Variants in MSH3 observed in about 807,000 individuals in gnomAD.
The protein encoded by MSH3 is mutS homolog 3.
A neutral mutation model predicts 123.3 loss-of-function variants in MSH3; 106 were observed. The observed-to-expected ratio is 0.86, with a 90% confidence interval of 0.73 to 1.01. MSH3 has a LOEUF of 1.01. MSH3 is among the 50% of genes least tolerant of loss of function. The pLI, the probability that MSH3 is intolerant of heterozygous loss-of-function variation, is 0.00. For missense variants in MSH3, 1,459 were observed against 1,347.6 expected, an observed-to-expected ratio of 1.08 and a Z score of -1.29; for synonymous variants, 515 against 481.4, an observed-to-expected ratio of 1.07 and a Z score of -0.91.
At chr5:80,701,959 G>A (rs1054819920) in intron 8 of MSH3, among the ~76,000 whole-genome samples, 12 of 151,872 alleles carry the variant, frequency 7.9e-5, no homozygotes, top group Middle Eastern at 3.4e-3. Context: ...TGGTTTTTCT[G>A]TACAGTTTTT....
At chr5:80,810,267 GTA>G (rs1744986926) in intron 19 of MSH3, among the ~76,000 whole-genome samples, 1 of 149,680 alleles carries the variant, frequency 6.7e-6, no homozygotes, top group African/African-American at 2.5e-5. Context: ...GCTTATCTTA[GTA>G]TTCTGCATTG....
chr5:80,688,249 T>G (rs932091328), intron 8 of MSH3, among the ~76,000 whole-genome samples: 1 of 152,224 alleles, frequency 6.6e-6, no homozygotes, highest in Non-Finnish European at 1.5e-5. Context: ...CAAAGATAGA[T>G]GTGTATGCTG....
intron 12 of MSH3, chr5:80,746,244 T>G (rs1172759288): frequency 3.9e-6 from 1 of 253,280 alleles, no homozygotes. Context: ...CTACTGCATT[T>G]CACTGCTGTT....
intron 12 of MSH3, among the ~76,000 whole-genome samples, chr5:80,748,465 TA>T (rs1743761611): frequency 6.6e-6 from 1 of 152,198 alleles, no homozygotes; most frequent in Admixed American, 6.5e-5. Context: ...TTAGCTTTTA[TA>T]AATAGATTAT....
chr5:80,672,725 CTTAT>C lies in MSH3; in HGVS notation c.910-13_910-10del, dbSNP rs1749751307. The C allele has an allele frequency of 6.3e-7, 1 of 1,591,550 alleles. No individual in the cohort carries two copies. Among genetic ancestry groups the C allele is most frequent in the Non-Finnish European group, 8.6e-7 (1 of 1,159,694 alleles). ...TTTTTATCCTTTGATAGCAATATTTCTTATTTTTGTTGAAGGTGGGAGTTGTGAA... is the reference window on the plus strand; with the variant it reads ...TTTTTATCCTTTGATAGCAATATTTCTTTTGTTGAAGGTGGGAGTTGTGAA... On this transcript the variant is annotated splice_polypyrimidine_tract_variant and intron_variant, in intron 5 of 23. Transcript: ENST00000265081.
At chr5:80,690,363 AG>A (rs902536883) in intron 8 of MSH3, among the ~76,000 whole-genome samples, 1 of 152,150 alleles carries the variant, frequency 6.6e-6, no homozygotes, top group African/African-American at 2.4e-5. Flanking sequence ...ACTGGAGTGC[AG>A]TGGCACAATC....
chr5:80,655,069 GGAGGAAGGGGCGGGCT>G lies in MSH3; in HGVS notation c.237+108_237+123del, dbSNP rs1330569620. 23 of 647,660 alleles carry G rather than the reference GGAGGAAGGGGCGGGCT, an allele frequency of 3.6e-5. No individual in the cohort carries two copies. In the South Asian group the frequency reaches 5.5e-4, roughly 15 times the overall value. The allele number at this position is 647,660 out of a possible 1,614,324, so 40.1% of individuals were successfully genotyped here. ...CCCTCCGCCCGATGATAGGGCTGGA[GGAGGAAGGGGCGGGCT>G]GAAGAAGGGGAAGGTGGGAAGAGCC... On this transcript the variant is annotated intron_variant, in intron 1 of 23. Transcript: ENST00000265081.
intron 20 of MSH3, among the ~76,000 whole-genome samples, chr5:80,833,197 A>G (rs1745449565): frequency 6.7e-6 from 1 of 150,212 alleles, no homozygotes; most frequent in South Asian, 2.1e-4. Flanking sequence ...TATCAGAGTG[A>G]TTTTTTTTTT....
chr5:80,712,990 A>T (rs1203712309), intron 8 of MSH3, among the ~76,000 whole-genome samples: 1 of 152,190 alleles, frequency 6.6e-6, no homozygotes, highest in Non-Finnish European at 1.5e-5. Flanking sequence ...GAGAGAATGA[A>T]TTACTCGGCT....
At chr5:80,749,826 C>T (rs375790807) in intron 12 of MSH3, among the ~76,000 whole-genome samples, 1 of 151,978 alleles carries the variant, frequency 6.6e-6, no homozygotes, top group Non-Finnish European at 1.5e-5. Flanking sequence ...CTTGTCTAAC[C>T]AAAACTTTGC....
intron 8 of MSH3, among the ~76,000 whole-genome samples, chr5:80,703,809 T>G (rs955978355): frequency 6.7e-6 from 1 of 148,806 alleles, no homozygotes; most frequent in African/African-American, 2.4e-5. Context: ...AAAGAGTTTT[T>G]TTTTTAATTG....
In MSH3 at chr5:80,761,405, A is replaced by T. The variant is rs1744029480; in HGVS notation, c.1764-141A>T. 6.8e-6 allele frequency: 7 copies of T among 1,030,394 alleles called. No individual in the cohort carries two copies. In the East Asian group the frequency reaches 1.7e-4, roughly 26 times the overall value. The allele number at this position is 1,030,394 out of a possible 1,614,324, so 63.8% of individuals were successfully genotyped here. A position where few individuals can be genotyped will look rare whatever the true frequency, so the allele number is the denominator to read the frequency against. ...GGAGTTTTGTCAGGGAGTCCTTCCC[A>T]CATGACTATCTCAGTATGAAGGAGG... On this transcript the variant is annotated intron_variant, in intron 12 of 23. Transcript: ENST00000265081.
Position 80,654,878 on chromosome 5 carries a change from G to T in MSH3, c.151G>T (p.Ala51Ser). The T allele has an allele frequency of 6.6e-7, 1 of 1,519,968 alleles. No individual in the cohort carries two copies. The highest frequency in any genetic ancestry group is 8.9e-7 in the Non-Finnish European group (1 of 1,126,328). 94.2% of individuals were successfully genotyped at this position (1,519,968 alleles called of 1,614,324 possible). The change falls in exon 1 of 24, where the codon GCT becomes TCT. Residue 51 changes from alanine (A) to serine (S), a missense_variant. Ala to Ser is a moderately conservative substitution (Grantham distance 99). Coordinates refer to ENST00000265081, the MANE Select transcript of MSH3 (RefSeq NM_002439.5). ...TGCAGCCGACCAGGTGGACCCTGGC[G>T]CTGCAGCGGCTGCAGCGGCCGCAGC... is the stretch of plus-strand genomic sequence containing the variant. ...TGAADQVDPGAAAAAAAAAAA... is the reference protein window; with the variant it reads ...TGAADQVDPGSAAAAAAAAAA...
intron 12 of MSH3, among the ~76,000 whole-genome samples, chr5:80,751,171 C>T (rs148021866): frequency 0.013 from 1,981 of 152,224 alleles, 17 homozygotes; most frequent in Middle Eastern, 0.037. Context: ...TAGAGCATGT[C>T]TCAATAGGAT....
chr5:80,778,707 T>G lies in MSH3; in HGVS notation c.2319-13T>G, dbSNP rs897298986. 6.8e-7 allele frequency: 1 copy of G among 1,465,276 alleles called. No individual in the cohort carries two copies. The highest frequency in any genetic ancestry group is 9.6e-7 in the Non-Finnish European group (1 of 1,044,162). The allele number at this position is 1,465,276 out of a possible 1,614,324, so 90.8% of individuals were successfully genotyped here. On this transcript the variant is annotated splice_polypyrimidine_tract_variant and intron_variant, in intron 16 of 23. Coordinates refer to ENST00000265081, the MANE Select transcript of MSH3 (RefSeq NM_002439.5). Reference sequence around the variant, plus strand: ...ACCTTGATTTCCTATTTGTGTTCTTTCCCCTCTTCTAGCACAAAAGCTGTG... The same window carrying G: ...ACCTTGATTTCCTATTTGTGTTCTTGCCCCTCTTCTAGCACAAAAGCTGTG...
intron 18 of MSH3, 59 bp from the exon 19 acceptor site, chr5:80,792,674 G>A (rs1196242991): frequency 1.6e-5 from 14 of 865,650 alleles, no homozygotes; most frequent in Non-Finnish European, 2.5e-5. Flanking sequence ...CTATCTTAGA[G>A]TTTTTTTTTT....
chr5:80,808,873 A>ATATATATATATATATG (rs754318556), intron 19 of MSH3, among the ~76,000 whole-genome samples: 2,587 of 136,980 alleles, frequency 0.019, 73 homozygotes, highest in African/African-American at 0.025. Flanking sequence ...ATATATATAT[A>ATATATATATATATATG]TATATATATA....
rs184758686 is a variant in MSH3 at position 80,685,554 on chromosome 5, C to T, written c.1340+6461C>T. Among the ~76,000 whole-genome samples, 7 of 151,934 alleles carry T rather than the reference C, an allele frequency of 4.6e-5. No homozygotes were observed. In the South Asian group the frequency reaches 8.3e-4, roughly 18 times the overall value. ...CTAATTTTGTTTATTTGGGGTTTCT[C>T]TCTTTTTTCACAGTCTGGGAAAGTC... On this transcript the variant is annotated intron_variant, in intron 8 of 23. Transcript: ENST00000265081.
Position 80,672,484 on chromosome 5 carries a change from A to T in MSH3, c.909+124A>T, listed in dbSNP as rs1014575187. On this transcript the variant is annotated intron_variant, in intron 5 of 23. Transcript: ENST00000265081. ...TAGAATTTTGCATTTTACAGAACTG[A>T]AAGTGTTTCATAATTATTAGTATTA... is the stretch of plus-strand genomic sequence containing the variant. The T allele has an allele frequency of 3.3e-5, 25 of 757,946 alleles. No homozygotes were observed. The highest frequency in any genetic ancestry group is 2.7e-4 in the East Asian group (10 of 37,728). 47.0% of individuals were successfully genotyped at this position (757,946 alleles called of 1,614,324 possible).
Sources: allele counts gnomAD v4.1 joint callset (sites outside exome capture counted in the v4.1 genomes callset), GRCh38; gene constraint gnomAD v4.1.1; transcripts MANE v1.5; gene names NCBI Gene and HGNC (gene_info 2026-07-23, HGNC 2026-07-21).